GALK2: variants seen among roughly 807,000 people sequenced by gnomAD.
GALK2 encodes galactokinase 2.
Under a neutral mutation model 52.4 loss-of-function variants are expected in GALK2, and 36 were observed. That is an observed-to-expected ratio of 0.69 (90% CI 0.53 to 0.91). GALK2 has a LOEUF of 0.91. Ranked by LOEUF, GALK2 falls within the 40% of genes least tolerant of loss-of-function variation. The pLI, the probability that GALK2 is intolerant of heterozygous loss-of-function variation, is 0.00. For synonymous variants in GALK2, 176 were observed against 199.1 expected (o/e 0.88, Z 0.98); for missense variants, 579 against 559.1 (o/e 1.04, Z -0.36).
At chr15:49,298,774 G>A (rs890429173) in intron 8 of GALK2, among the ~76,000 whole-genome samples, 3 of 152,094 alleles carry the variant, frequency 2.0e-5, no homozygotes, top group Admixed American at 2.0e-4. Context: ...GATAGTGGTG[G>A]ACTAGCTTTG....
intron 1 of GALK2, among the ~76,000 whole-genome samples, chr15:49,157,622 A>T (rs1340441084): frequency 1.3e-5 from 2 of 152,214 alleles, no homozygotes; most frequent in African/African-American, 4.8e-5. Context: ...AAATTTAAAG[A>T]ATAATTAAAA....
At chr15:49,267,259 G>A (rs2092393065) in intron 5 of GALK2, among the ~76,000 whole-genome samples, 1 of 152,190 alleles carries the variant, frequency 6.6e-6, no homozygotes, top group Non-Finnish European at 1.5e-5. Context: ...GAGGATTCCA[G>A]CTAACCTGAC....
chr15:49,272,289 C>T (rs1266408389), intron 5 of GALK2, among the ~76,000 whole-genome samples: 1 of 152,208 alleles, frequency 6.6e-6, no homozygotes, highest in East Asian at 1.9e-4. Context: ...ATACCCTGCA[C>T]AGTGTCTAGC....
intron 5 of GALK2, among the ~76,000 whole-genome samples, chr15:49,263,600 G>A (rs2092229645): frequency 2.5e-5 from 3 of 119,514 alleles, no homozygotes; most frequent in Admixed American, 1.6e-4. Flanking sequence ...ATGTGAATTT[G>A]ATCCTGTCAT....
Position 49,329,566 on chromosome 15 carries a change from C to G in GALK2, c.*1407C>G. Reference sequence around the variant, plus strand: ...AAGGATAACAGTCATACATAGAATACTAGGAAAGCCAATATTCTATTTAAA... The same window carrying G: ...AAGGATAACAGTCATACATAGAATAGTAGGAAAGCCAATATTCTATTTAAA... On this transcript the variant is annotated 3_prime_UTR_variant, in exon 10 of 10. Coordinates refer to ENST00000560031, the MANE Select transcript of GALK2 (RefSeq NM_002044.4). 1.0e-6 allele frequency: 1 copy of G among 983,940 alleles called. No homozygotes were observed. The highest frequency in any genetic ancestry group is 1.2e-6 in the Non-Finnish European group (1 of 828,676). 61.0% of individuals were successfully genotyped at this position (983,940 alleles called of 1,614,324 possible). A position where few individuals can be genotyped will look rare whatever the true frequency, so the allele number is the denominator to read the frequency against.
chr15:49,274,772 G>C (rs77100605), intron 5 of GALK2, among the ~76,000 whole-genome samples: 2,611 of 151,686 alleles, frequency 0.017, 97 homozygotes, highest in African/African-American at 0.06. Context: ...ATTTTTTAAC[G>C]TTTTAAACTT....
intron 3 of GALK2, among the ~76,000 whole-genome samples, chr15:49,348,019 C>CA (rs67614443): frequency 0.22 from 15,295 of 69,222 alleles, 1,334 homozygotes; most frequent in Middle Eastern, 0.25. Context: ...AACTCTGTCT[C>CA]AAAAAAAAAA....
chr15:49,245,799 A>AGT (rs1416312089), intron 5 of GALK2, among the ~76,000 whole-genome samples: 3 of 152,192 alleles, frequency 2.0e-5, no homozygotes, highest in African/African-American at 7.2e-5. Context: ...AATTTCCTAC[A>AGT]ATGTTACAAA....
chr15:49,170,463 C>T (rs1294864391), intron 1 of GALK2, 88 bp downstream of exon 1: 2 of 1,387,872 alleles, frequency 1.4e-6, no homozygotes, highest in East Asian at 2.5e-5. Flanking sequence ...TCCCTTGGGG[C>T]GCTGCTTTTG....
chr15:49,365,054 A>C, intron 3 of GALK2: 1 of 548,740 alleles, frequency 1.8e-6, no homozygotes, highest in East Asian at 2.9e-5. Context: ...TCAATTCAAA[A>C]ATCAATTTAA....
chr15:49,328,738 GA>G lies in GALK2; in HGVS notation c.*581del. 6.7e-7 allele frequency: 1 copy of G among 1,503,398 alleles called. No individual in the cohort carries two copies. Among genetic ancestry groups the G allele is most frequent in the Non-Finnish European group, 8.9e-7 (1 of 1,120,574 alleles). 93.1% of individuals were successfully genotyped at this position (1,503,398 alleles called of 1,614,324 possible). A position where few individuals can be genotyped will look rare whatever the true frequency, so the allele number is the denominator to read the frequency against. On this transcript the variant is annotated 3_prime_UTR_variant, in exon 10 of 10. Coordinates refer to ENST00000560031, the MANE Select transcript of GALK2 (RefSeq NM_002044.4). ...TCTTGGACATTGTATAATTGAATTT[GA>G]ATGTGAGATTTCTCCAGTTATCAAG... is the stretch of plus-strand genomic sequence containing the variant.
chr15:49,228,688 T>TATATATATATACATACATATA, intron 3 of GALK2, among the ~76,000 whole-genome samples: 1 of 10,442 alleles, frequency 9.6e-5, no homozygotes, highest in African/African-American at 3.4e-4. Flanking sequence ...TATATATATA[T>TATATATATATACATACATATA]TTTTTTTTTT....
At chr15:49,292,608 C>A in intron 8 of GALK2, 71 bp downstream of exon 8, 2 of 1,258,308 alleles carry the variant, frequency 1.6e-6, no homozygotes, top group Non-Finnish European at 2.3e-6. Flanking sequence ...AATTTCTCCA[C>A]TGGTTTTAGA....
intron 5 of GALK2, among the ~76,000 whole-genome samples, chr15:49,245,388 T>G (rs181289657): frequency 6.6e-6 from 1 of 152,172 alleles, no homozygotes; most frequent in Non-Finnish European, 1.5e-5. Context: ...TTTAATCTTT[T>G]AGATTATATG....
chr15:49,337,109 T>C (rs1468025152), intron 3 of GALK2, among the ~76,000 whole-genome samples: 3 of 152,234 alleles, frequency 2.0e-5, no homozygotes, highest in Non-Finnish European at 4.4e-5. Context: ...GGGATCTACG[T>C]TGATTCCATG....
chr15:49,217,640 T>C (rs1290025956), intron 3 of GALK2, among the ~76,000 whole-genome samples: 2 of 152,252 alleles, frequency 1.3e-5, no homozygotes, highest in Non-Finnish European at 2.9e-5. Context: ...GATGTTTTCC[T>C]ATGTTACTAT....
intron 1 of GALK2, among the ~76,000 whole-genome samples, chr15:49,171,962 G>T (rs1270231549): frequency 1.3e-5 from 2 of 151,984 alleles, no homozygotes; most frequent in African/African-American, 2.4e-5. Context: ...TGGTAGAGAC[G>T]GAGTTTCGCC....
intron 3 of GALK2, among the ~76,000 whole-genome samples, chr15:49,359,093 T>G (rs1193503930): frequency 6.6e-6 from 1 of 151,988 alleles, no homozygotes; most frequent in Non-Finnish European, 1.5e-5. Flanking sequence ...CAATTCAAGA[T>G]AGATTAAAGA....
chr15:49,237,726 C>T (rs763844582), intron 4 of GALK2, among the ~76,000 whole-genome samples: 1 of 152,114 alleles, frequency 6.6e-6, no homozygotes, highest in Non-Finnish European at 1.5e-5. Flanking sequence ...CCACCCGCCT[C>T]GGCCTCCCAA....
Sources: gnomAD v4.1 joint callset for allele counts (sites outside exome capture counted in the v4.1 genomes callset) on GRCh38, gnomAD v4.1.1 for gene constraint, MANE v1.5 for transcripts, NCBI Gene and HGNC (gene_info 2026-07-23, HGNC 2026-07-21) for gene names.